Variants in NEBL observed in about 807,000 individuals in gnomAD.
NEBL encodes nebulette.
Under a neutral mutation model 140.2 loss-of-function variants are expected in NEBL, and 122 were observed. The ratio of observed to expected loss-of-function variants is 0.87; its 90% CI spans 0.75 to 1.01. The LOEUF (loss-of-function observed/expected upper bound fraction) is 1.01, where lower values mean the gene tolerates loss of function less well. Among genes scored for constraint, NEBL ranks in the 50% least tolerant of loss-of-function variants. The pLI, the probability that NEBL is intolerant of heterozygous loss-of-function variation, is 0.00. For missense variants in NEBL, 1,365 were observed against 1,231.3 expected (o/e 1.11, Z -1.62); for synonymous variants, 436 against 398.9 (o/e 1.09, Z -1.11).
intron 12 of NEBL, among the ~76,000 whole-genome samples, chr10:20,841,939 T>C (rs192606916): frequency 1.7e-4 from 26 of 152,252 alleles, no homozygotes; most frequent in African/African-American, 5.5e-4. Context: ...TCCAAATGCC[T>C]TCTATGAATA....
chr10:20,840,634 C>T (rs771899544), intron 13 of NEBL, 105 bp downstream of exon 13: 29 of 782,982 alleles, frequency 3.7e-5, no homozygotes, highest in Non-Finnish European at 5.7e-5. Flanking sequence ...TTTACAATCA[C>T]TTACATATAA....
chr10:21,244,316 C>T (rs539390706), intron 3 of NEBL, among the ~76,000 whole-genome samples: 214 of 151,270 alleles, frequency 1.4e-3, no homozygotes, highest in Admixed American at 2.2e-3. Flanking sequence ...CAGGCACCTG[C>T]CACCATGCCC....
In NEBL at chr10:20,980,192, T is replaced by C. The variant is rs1455773897; in HGVS notation, c.250-18413A>G. ...TGTGTTTGTAGCCTATACAGAAGTA[T>C]ACAGTGTTGGAGTTGGTATCACCTA... is the stretch of plus-strand genomic sequence containing the variant. On this transcript the variant is annotated intron_variant, in intron 3 of 6. Transcript: ENST00000417816. Among the ~76,000 whole-genome samples, 3 of 152,158 alleles carry C rather than the reference T, an allele frequency of 2.0e-5. No homozygotes were observed. In the East Asian group the frequency reaches 5.8e-4, roughly 29 times the overall value.
intron 1 of NEBL, among the ~76,000 whole-genome samples, chr10:21,172,656 A>G (rs919309714): frequency 4.6e-5 from 7 of 152,144 alleles, no homozygotes; most frequent in Non-Finnish European, 8.8e-5. Context: ...TAAAGCAGGC[A>G]GCTCTGAAAA....
At chr10:21,187,308 T>C (rs1841491428) in intron 3 of NEBL, among the ~76,000 whole-genome samples, 1 of 152,030 alleles carries the variant, frequency 6.6e-6, no homozygotes, top group South Asian at 2.1e-4. Flanking sequence ...CATAACGGCA[T>C]GAGAATGGAC....
upstream of NEBL, among the ~76,000 whole-genome samples, chr10:20,900,845 G>GAAAAAAAAA (rs371663324): frequency 9.7e-6 from 1 of 103,420 alleles, no homozygotes; most frequent in Non-Finnish European, 1.9e-5. Flanking sequence ...ACTCCATCCC[G>GAAAAAAAAA]AAAAAAAAAG....
rs138162327 is a variant in NEBL, at chr10:21,256,562, A to G, written n.183-4734T>C. On this transcript the variant is annotated intron_variant and non_coding_transcript_variant, in intron 1 of 8. Transcript: ENST00000675702. ...ACAAAGATAACAGGCTGGATGAGGTAGCTCATGCCTGTAATCCCAGCCCTT... is the reference window on the plus strand; with the variant it reads ...ACAAAGATAACAGGCTGGATGAGGTGGCTCATGCCTGTAATCCCAGCCCTT... Among the ~76,000 whole-genome samples the G allele has an allele frequency of 2.9e-3, 439 of 152,338 alleles. 1 individual carries two copies. Among genetic ancestry groups the G allele is most frequent in the African/African-American group, 9.3e-3 (385 of 41,578 alleles).
upstream of NEBL, among the ~76,000 whole-genome samples, chr10:20,901,071 C>T (rs1243072222): frequency 6.6e-6 from 1 of 151,938 alleles, no homozygotes; most frequent in Non-Finnish European, 1.5e-5. Flanking sequence ...CTCACAAACA[C>T]AAGCTTTTTT....
intron 2 of NEBL, among the ~76,000 whole-genome samples, chr10:21,106,446 C>T (rs1158548918): frequency 6.6e-6 from 1 of 152,154 alleles, no homozygotes; most frequent in Non-Finnish European, 1.5e-5. Context: ...ATAGGGCATC[C>T]TTTCCCCATT....
intron 4 of NEBL, among the ~76,000 whole-genome samples, chr10:20,929,999 G>A (rs1211722833): frequency 2.0e-5 from 3 of 152,090 alleles, no homozygotes; most frequent in South Asian, 2.1e-4. Context: ...AAACTTTCTC[G>A]CTGGGTGATC....
intron 19 of NEBL, among the ~76,000 whole-genome samples, chr10:20,820,817 T>G (rs1839234631): frequency 6.6e-6 from 1 of 151,280 alleles, no homozygotes; most frequent in Non-Finnish European, 1.5e-5. Context: ...AGAGTAAGAC[T>G]CTATCTCAAA....
chr10:20,897,079 A>G (rs542004548), intron 1 of NEBL, 46 bp downstream of exon 1: 20 of 1,600,166 alleles, frequency 1.2e-5, no homozygotes, highest in African/African-American at 1.2e-4. Context: ...CTCATTGTCA[A>G]TTTAGAGGAA....
upstream of NEBL, among the ~76,000 whole-genome samples, chr10:20,901,754 T>A (rs1481421474): frequency 6.6e-6 from 1 of 152,200 alleles, no homozygotes; most frequent in Non-Finnish European, 1.5e-5. Context: ...CTGGTTTTTG[T>A]TTTGATGACC....
At position 20,918,564 on chromosome 10, in the gene NEBL, T is replaced by C. The variant is rs74229945; in HGVS notation, c.357+43108A>G. ...GTAAGTACATAATAAATGCATAATA[T>C]TGGGGCCGGGCACGGCTGGCTCATG... On this transcript the variant is annotated intron_variant, in intron 4 of 6. Transcript: ENST00000417816. 2.2e-3 allele frequency among the ~76,000 whole-genome samples: 329 copies of C among 151,724 alleles called. 12 individuals are homozygous for C. The East Asian group carries it at 0.056, about 26-fold the overall frequency.
chr10:20,851,610 C>G (rs1045832810), intron 10 of NEBL, among the ~76,000 whole-genome samples: 2 of 143,590 alleles, frequency 1.4e-5, no homozygotes, highest in Non-Finnish European at 3.0e-5. Context: ...CCCGTCTTTA[C>G]TAAAAATACA....
chr10:21,139,655 C>T (rs543179133), intron 2 of NEBL, among the ~76,000 whole-genome samples: 7 of 152,270 alleles, frequency 4.6e-5, no homozygotes, highest in East Asian at 1.9e-4. Flanking sequence ...ATAAGAGGCA[C>T]GTATTAGCAC....
At chr10:20,928,302 C>G (rs1834009280) in intron 4 of NEBL, among the ~76,000 whole-genome samples, 1 of 152,150 alleles carries the variant, frequency 6.6e-6, no homozygotes. Flanking sequence ...CTCAGTTACA[C>G]CAGCCACCTT....
chr10:21,154,108 A>T (rs901545222), intron 2 of NEBL, among the ~76,000 whole-genome samples: 4 of 152,186 alleles, frequency 2.6e-5, no homozygotes, highest in African/African-American at 9.6e-5. Context: ...TTCTCATATT[A>T]TTAATACCAT....
chr10:20,956,543 A>T lies in NEBL; in HGVS notation c.357+5129T>A, dbSNP rs1835813301. On this transcript the variant is annotated intron_variant, in intron 4 of 6. Coordinates refer to the NEBL transcript ENST00000417816. ...TCAAGAGCTTAAATCTAAACCACTGACCTCATAACTAATCGTCTATGTTAA... is the reference window on the plus strand; with the variant it reads ...TCAAGAGCTTAAATCTAAACCACTGTCCTCATAACTAATCGTCTATGTTAA... Among the ~76,000 whole-genome samples the T allele has an allele frequency of 2.0e-5, 3 of 152,260 alleles. No homozygotes were observed. The South Asian group carries it at 6.2e-4, about 32-fold the overall frequency.
Sources: allele counts gnomAD v4.1 joint callset (sites outside exome capture counted in the v4.1 genomes callset), GRCh38; gene constraint gnomAD v4.1.1; transcripts MANE v1.5; gene names NCBI Gene and HGNC (gene_info 2026-07-23, HGNC 2026-07-21).